ROBO1: variants seen among roughly 807,000 people sequenced by gnomAD.
The protein encoded by ROBO1 is roundabout homolog 1.
In ROBO1, 149 loss-of-function variants were observed where a neutral mutation model predicts 195.9. That is an observed-to-expected ratio of 0.76 (90% CI 0.67 to 0.87). The LOEUF (loss-of-function observed/expected upper bound fraction) is 0.87. Among genes scored for constraint, ROBO1 ranks in the 40% least tolerant of loss-of-function variants. The pLI, the probability that ROBO1 is intolerant of heterozygous loss-of-function variation, is 0.00. For missense variants in ROBO1, 1,933 were observed against 2,068.3 expected, an observed-to-expected ratio of 0.93 and a Z score of 1.27; for synonymous variants, 816 against 733.2, an observed-to-expected ratio of 1.11 and a Z score of -1.82.
In ROBO1 at chr3:79,147,817, T is replaced by C. The variant is rs117729087; in HGVS notation, c.89-22278A>G. 2.2e-3 allele frequency among the ~76,000 whole-genome samples: 334 copies of C among 152,112 alleles called. 10 individuals carry two copies. In the East Asian group the frequency reaches 0.059, roughly 27 times the overall value. The stretch of plus-strand genomic sequence containing the variant: ...ATTGATGCACTTAAATTTTTTTATT[T>C]ATGCTAATACATGTTGATTTCAATA... On this transcript the variant is annotated intron_variant, in intron 2 of 30. Transcript: ENST00000464233.
chr3:79,550,228 AAAGAAAAG>A (rs1942457509), intron 2 of ROBO1, among the ~76,000 whole-genome samples: 3 of 147,890 alleles, frequency 2.0e-5, no homozygotes, highest in Non-Finnish European at 4.5e-5. Context: ...AAAGAAAAGA[AAAGAAAAG>A]AAAAGAAAAG....
At chr3:79,078,661 C>T (rs965348075) in intron 3 of ROBO1, among the ~76,000 whole-genome samples, 24 of 151,628 alleles carry the variant, frequency 1.6e-4, no homozygotes, top group African/African-American at 5.6e-4. Flanking sequence ...TGTGGTAAAA[C>T]GTCATCTCAA....
At chr3:78,891,441 A>C (rs1299956949) in intron 4 of ROBO1, among the ~76,000 whole-genome samples, 1 of 152,184 alleles carries the variant, frequency 6.6e-6, no homozygotes, top group African/African-American at 2.4e-5. Context: ...GCCTAAAGTA[A>C]AAAAGAATGA....
intron 3 of ROBO1, among the ~76,000 whole-genome samples, chr3:78,997,872 T>C (rs1163249202): frequency 6.6e-6 from 1 of 152,114 alleles, no homozygotes; most frequent in Non-Finnish European, 1.5e-5. Flanking sequence ...GTGCAAGCAG[T>C]TCAGCATTTG....
chr3:79,222,874 T>C, intron 2 of ROBO1, among the ~76,000 whole-genome samples: 1 of 152,060 alleles, frequency 6.6e-6, no homozygotes, highest in East Asian at 1.9e-4. Context: ...AACAAGAGTG[T>C]TTTTAGACCA....
chr3:79,284,927 G>C lies in ROBO1; in HGVS notation c.89-159388C>G, dbSNP rs73122551. ...TTAGAACAGGTGACAAAATAGCCTG[G>C]AAAAAAAAAAGTACTATTTAGTCAA... On this transcript the variant is annotated intron_variant, in intron 2 of 30. Transcript: ENST00000464233. 3.1e-3 allele frequency among the ~76,000 whole-genome samples: 461 copies of C among 147,340 alleles called. 2 individuals carry two copies. The highest frequency in any genetic ancestry group is 4.6e-3 in the Non-Finnish European group (303 of 66,472).
chr3:79,560,658 A>G (rs149837709), intron 2 of ROBO1, among the ~76,000 whole-genome samples: 13 of 151,000 alleles, frequency 8.6e-5, no homozygotes, highest in African/African-American at 3.2e-4. Context: ...CCTCATCTTC[A>G]CACCGTAGAT....
intron 2 of ROBO1, among the ~76,000 whole-genome samples, chr3:79,339,736 G>A (rs187584670): frequency 1.3e-5 from 2 of 152,204 alleles, no homozygotes; most frequent in African/African-American, 4.8e-5. Flanking sequence ...CCAAAATTTT[G>A]TCTGTGTACT....
At chr3:78,700,974 GGC>G (rs2081406482) in intron 8 of ROBO1, among the ~76,000 whole-genome samples, 1 of 152,110 alleles carries the variant, frequency 6.6e-6, no homozygotes, top group Non-Finnish European at 1.5e-5. Flanking sequence ...ATGTTGGCCA[GGC>G]TTGTCTCGAA....
chr3:79,113,176 G>A (rs2079921921), intron 3 of ROBO1, among the ~76,000 whole-genome samples: 1 of 152,088 alleles, frequency 6.6e-6, no homozygotes, highest in Non-Finnish European at 1.5e-5. Context: ...TGTCTGTTTT[G>A]AAGAAAGAGA....
At chr3:79,739,001 AAC>A (rs1703508503) in intron 1 of ROBO1, among the ~76,000 whole-genome samples, 1 of 152,220 alleles carries the variant, frequency 6.6e-6, no homozygotes, top group South Asian at 2.1e-4. Flanking sequence ...ATGAATAAGT[AAC>A]ACATAAATAT....
chr3:78,930,594 TTTGCAGTCATAG>T (rs1283552128), intron 4 of ROBO1, among the ~76,000 whole-genome samples: 5 of 152,186 alleles, frequency 3.3e-5, no homozygotes, highest in Admixed American at 2.0e-4. Flanking sequence ...TCCAATTCCA[TTTGCAGTCATAG>T]GCTTGACCTT....
At chr3:79,038,287 C>T (rs1053827145) in intron 3 of ROBO1, among the ~76,000 whole-genome samples, 2 of 152,190 alleles carry the variant, frequency 1.3e-5, no homozygotes, top group Non-Finnish European at 2.9e-5. Context: ...AGCCTTTGAA[C>T]TTATGAGTGG....
At chr3:79,456,687 G>C (rs2039629397) in intron 2 of ROBO1, among the ~76,000 whole-genome samples, 1 of 152,058 alleles carries the variant, frequency 6.6e-6, no homozygotes, top group Non-Finnish European at 1.5e-5. Flanking sequence ...TCTTGTGTCA[G>C]ACCTAGAATA....
intron 5 of ROBO1, among the ~76,000 whole-genome samples, chr3:78,743,179 T>A (rs991428852): frequency 2.0e-5 from 3 of 152,202 alleles, no homozygotes; most frequent in Non-Finnish European, 4.4e-5. Context: ...AAAAGAGTCG[T>A]CTATGCTCTG....
At chr3:79,217,729 G>C (rs1047143029) in intron 2 of ROBO1, among the ~76,000 whole-genome samples, 1 of 151,754 alleles carries the variant, frequency 6.6e-6, no homozygotes, top group Non-Finnish European at 1.5e-5. Context: ...ATGAGGGAGG[G>C]TATCTTATTT....
At chr3:79,344,058 C>T in intron 2 of ROBO1, among the ~76,000 whole-genome samples, 1 of 152,098 alleles carries the variant, frequency 6.6e-6, no homozygotes, top group South Asian at 2.1e-4. Flanking sequence ...TATGACTGCT[C>T]AGAGGCTAAT....
intron 1 of ROBO1, among the ~76,000 whole-genome samples, chr3:79,746,723 C>T (rs1224112066): frequency 6.6e-6 from 1 of 151,914 alleles, no homozygotes; most frequent in Non-Finnish European, 1.5e-5. Flanking sequence ...AGTTTTATGT[C>T]ACAAATAAAT....
At chr3:79,679,952 T>C (rs1946895288) in intron 1 of ROBO1, among the ~76,000 whole-genome samples, 1 of 151,990 alleles carries the variant, frequency 6.6e-6, no homozygotes, top group Admixed American at 6.6e-5. Context: ...TCACATGTCA[T>C]GTTGGGAAAA....
Sources: allele counts gnomAD v4.1 joint callset (sites outside exome capture counted in the v4.1 genomes callset), GRCh38; gene constraint gnomAD v4.1.1; transcripts MANE v1.5; gene names NCBI Gene and HGNC (gene_info 2026-07-23, HGNC 2026-07-21).